Variants in WDFY1 observed in about 807,000 individuals in gnomAD.
WDFY1 encodes the protein WD repeat and FYVE domain containing 1, also known as WD repeat and FYVE domain-containing protein 1.
WDFY1 carries 32 observed loss-of-function variants against 56.4 expected under a neutral mutation model. The ratio of observed to expected loss-of-function variants is 0.57; its 90% CI spans 0.43 to 0.76. The LOEUF (loss-of-function observed/expected upper bound fraction) is 0.76. Among genes scored for constraint, WDFY1 ranks in the 30% least tolerant of loss-of-function variants. WDFY1 has a pLI of 0.00. For synonymous variants in WDFY1, 192 were observed against 197.3 expected (o/e 0.97, Z 0.23); for missense variants, 480 against 545.7 (o/e 0.88, Z 1.20).
chr2:223,919,132 C>T (rs1053285934), intron 1 of WDFY1, among the ~76,000 whole-genome samples: 1 of 152,216 alleles, frequency 6.6e-6, no homozygotes, highest in Non-Finnish European at 1.5e-5. Context: ...AGGTGATCGC[C>T]CTGCTCTGCC....
At chr2:223,886,399 A>C (rs898177894) in intron 8 of WDFY1, among the ~76,000 whole-genome samples, 4 of 151,888 alleles carry the variant, frequency 2.6e-5, no homozygotes, top group Admixed American at 6.6e-5. Flanking sequence ...AAAAAATTAC[A>C]AACTATACTC....
chr2:223,906,662 G>C (rs1353976641), intron 3 of WDFY1, among the ~76,000 whole-genome samples: 1 of 151,880 alleles, frequency 6.6e-6, no homozygotes, highest in African/African-American at 2.4e-5. Context: ...TGGGATTACA[G>C]AAGTGCACCA....
rs1360824588 is a variant in WDFY1 at position 223,897,378 on chromosome 2, A to ATT, written c.598+1579_598+1580insAA. 5.8e-4 allele frequency among the ~76,000 whole-genome samples: 20 copies of ATT among 34,310 alleles called. 2 individuals are homozygous for ATT. The highest frequency in any genetic ancestry group is 3.3e-3 in the South Asian group (2 of 602). The allele number at this position is 34,310 out of a possible 152,430, so 22.5% of individuals were successfully genotyped here. The stretch of plus-strand genomic sequence containing the variant: ...TATATATATATATATATATATATAT[A>ATT]TATATATATATATTTTTTAAGACGG... On this transcript the variant is annotated intron_variant, in intron 6 of 11. Coordinates refer to ENST00000233055, the MANE Select transcript of WDFY1 (RefSeq NM_020830.5).
intron 6 of WDFY1, among the ~76,000 whole-genome samples, chr2:223,897,428 G>T (rs1448703837): frequency 1.4e-5 from 2 of 141,370 alleles, no homozygotes; most frequent in Non-Finnish European, 3.0e-5. Flanking sequence ...ACCCAGGTTG[G>T]AGTGCAATGG....
At chr2:223,893,529 CA>C (rs61458649) in intron 8 of WDFY1, among the ~76,000 whole-genome samples, 242 of 135,388 alleles carry the variant, frequency 1.8e-3, no homozygotes, top group Middle Eastern at 3.8e-3. Flanking sequence ...GACCCTGTCT[CA>C]AAAAAAAAAA....
chr2:223,887,062 G>A (rs1320407492), intron 8 of WDFY1, among the ~76,000 whole-genome samples: 1 of 152,186 alleles, frequency 6.6e-6, no homozygotes, highest in African/African-American at 2.4e-5. Flanking sequence ...GGGAATGTTG[G>A]AGATGAGAAG....
At position 223,905,946 on chromosome 2, in the gene WDFY1, C is replaced by A. The variant is rs777323723; in HGVS notation, c.334+1G>T. On this transcript the variant is annotated splice_donor_variant, in intron 4 of 11. Coordinates refer to ENST00000233055, the MANE Select transcript of WDFY1 (RefSeq NM_020830.5). LOFTEE classifies it high-confidence loss of function. ...CGCAAGATAATGTGTATTATAATTA[C>A]CTGGGTAGGTCTTGATAAAGTTCAT... 1.1e-5 allele frequency: 17 copies of A among 1,566,310 alleles called. No individual in the cohort carries two copies. The Admixed American group carries it at 3.4e-4, about 31-fold the overall frequency.
intron 1 of WDFY1, among the ~76,000 whole-genome samples, chr2:223,930,739 C>T (rs750036670): frequency 7.2e-5 from 11 of 152,214 alleles, no homozygotes; most frequent in African/African-American, 2.7e-4. Context: ...TGGAAGACTG[C>T]CACGTCACAT....
In WDFY1 at chr2:223,918,924, G is replaced by A. The variant is rs561304620; in HGVS notation, c.138-914C>T. Among the ~76,000 whole-genome samples the A allele has an allele frequency of 7.9e-5, 12 of 152,280 alleles. No homozygotes were observed. In the East Asian group the frequency reaches 2.3e-3, roughly 29 times the overall value. The stretch of plus-strand genomic sequence containing the variant: ...ACATCTCTGGGGCCCTCTTTCATCG[G>A]AACATGCACAGGGTGATGAGGAAAT... On this transcript the variant is annotated intron_variant, in intron 1 of 11. Coordinates refer to ENST00000233055, the MANE Select transcript of WDFY1 (RefSeq NM_020830.5).
chr2:223,879,449 A>C (rs2106068504), intron 11 of WDFY1, among the ~76,000 whole-genome samples: 1 of 152,088 alleles, frequency 6.6e-6, no homozygotes, highest in East Asian at 1.9e-4. Context: ...TGAGCCGAGG[A>C]GTTTGAGACC....
chr2:223,923,716 G>A (rs907951406), intron 1 of WDFY1, among the ~76,000 whole-genome samples: 10 of 151,996 alleles, frequency 6.6e-5, no homozygotes, highest in African/African-American at 1.2e-4. Flanking sequence ...AGCCGAGATC[G>A]CGCCACTGCA....
intron 5 of WDFY1, 60 bp downstream of exon 5, chr2:223,901,123 G>T: frequency 6.4e-7 from 1 of 1,554,176 alleles, no homozygotes; most frequent in South Asian, 1.2e-5. Flanking sequence ...ATGAGATTCA[G>T]AACCAAACAC....
Position 223,884,583 on chromosome 2 carries a change from A to G in WDFY1, c.933+65T>C, listed in dbSNP as rs1693138787. On this transcript the variant is annotated intron_variant, in intron 9 of 11. Coordinates refer to ENST00000233055, the MANE Select transcript of WDFY1 (RefSeq NM_020830.5). ...ACAAAGTGTGTTTCAAAAAAACCCC[A>G]GATTAAGTATGCAAATAGTGAAATA... is the stretch of plus-strand genomic sequence containing the variant. The G allele has an allele frequency of 4.0e-6, 6 of 1,483,502 alleles. No homozygotes were observed. The Middle Eastern group carries it at 7.0e-4, about 172-fold the overall frequency. The allele number at this position is 1,483,502 out of a possible 1,614,324, so 91.9% of individuals were successfully genotyped here.
In WDFY1 at chr2:223,945,042, G is replaced by T; in HGVS notation, c.137+106C>A. On this transcript the variant is annotated intron_variant, in intron 1 of 11. Coordinates refer to ENST00000233055, the MANE Select transcript of WDFY1 (RefSeq NM_020830.5). The stretch of plus-strand genomic sequence containing the variant: ...CGCAGAGTGGGGGTGGGGCCGTGCT[G>T]CCGGGGGAGCCCCCTCACGCAGGAA... 4 of 1,332,898 alleles carry T rather than the reference G, an allele frequency of 3.0e-6. No homozygotes were observed. In the East Asian group the frequency reaches 1.2e-4, roughly 39 times the overall value. The allele number at this position is 1,332,898 out of a possible 1,614,324, so 82.6% of individuals were successfully genotyped here. A position where few individuals can be genotyped will look rare whatever the true frequency, so the allele number is the denominator to read the frequency against.
chr2:223,898,081 A>G (rs1356219555), intron 6 of WDFY1, among the ~76,000 whole-genome samples: 37 of 152,184 alleles, frequency 2.4e-4, no homozygotes, highest in Admixed American at 2.4e-3. Flanking sequence ...AAACCTCTTT[A>G]TTACACATGT....
In WDFY1 at chr2:223,930,190, G is replaced by A. The variant is rs182636426; in HGVS notation, c.138-12180C>T. 2.8e-3 allele frequency among the ~76,000 whole-genome samples: 428 copies of A among 152,268 alleles called. 4 individuals carry two copies. The highest frequency in any genetic ancestry group is 9.6e-3 in the African/African-American group (398 of 41,542). On this transcript the variant is annotated intron_variant, in intron 1 of 11. Transcript: ENST00000233055. ...AGATTTAGCCCAATCTAGCTACAGC[G>A]TGCGATATTGTATGTAAGTGCCTGT...
At chr2:223,941,450 T>A (rs1042155283) in intron 1 of WDFY1, among the ~76,000 whole-genome samples, 2 of 152,020 alleles carry the variant, frequency 1.3e-5, no homozygotes, top group African/African-American at 2.4e-5. Flanking sequence ...TGAGGGTGCA[T>A]CCCTCCTTCC....
At chr2:223,908,058 TA>T (rs5839030) in intron 3 of WDFY1, among the ~76,000 whole-genome samples, 133,326 of 152,054 alleles carry the variant, frequency 0.88, 58,983 homozygotes, top group Non-Finnish European at 0.95. Context: ...GAGGTCTCAC[TA>T]ATATTGCCCA....
In WDFY1 at chr2:223,897,497, G is replaced by A. The variant is rs889774783; in HGVS notation, c.598+1461C>T. Among the ~76,000 whole-genome samples the A allele has an allele frequency of 6.6e-5, 10 of 151,320 alleles. No homozygotes were observed. The East Asian group carries it at 1.9e-3, about 29-fold the overall frequency. ...GGGTTCAAGAGATTCTCCTGCCTCA[G>A]CCTCCCTGAGTAGCTGGGACTACAG... On this transcript the variant is annotated intron_variant, in intron 6 of 11. Transcript: ENST00000233055.
Sources: gnomAD v4.1 joint callset for allele counts (sites outside exome capture counted in the v4.1 genomes callset) on GRCh38, gnomAD v4.1.1 for gene constraint, MANE v1.5 for transcripts, NCBI Gene and HGNC (gene_info 2026-07-23, HGNC 2026-07-21) for gene names.